Variants in FLACC1 observed in about 807,000 individuals in gnomAD.
FLACC1 encodes the protein flagellum associated containing coiled-coil domains 1.
FLACC1 carries 66 observed loss-of-function variants against 62.8 expected under a neutral mutation model. The observed-to-expected ratio is 1.05, with a 90% CI of 0.86 to 1.29. FLACC1 has a LOEUF of 1.29. FLACC1 is among the 50% of genes most tolerant of loss of function. The pLI, the probability that FLACC1 is intolerant of heterozygous loss-of-function variation, is 0.00. For missense variants in FLACC1, 452 were observed against 489.1 expected, an observed-to-expected ratio of 0.92 and a Z score of 0.71; for synonymous variants, 156 against 161.0, an observed-to-expected ratio of 0.97 and a Z score of 0.24.
chr2:201,354,731 A>C (rs1302950154), intron 1 of FLACC1, among the ~76,000 whole-genome samples: 1 of 152,208 alleles, frequency 6.6e-6, no homozygotes, highest in Non-Finnish European at 1.5e-5. Flanking sequence ...TCCTGTACGA[A>C]AGGAGCCAAC....
intron 7 of FLACC1, among the ~76,000 whole-genome samples, chr2:201,332,894 C>A (rs1036795052): frequency 1.3e-5 from 2 of 152,160 alleles, no homozygotes; most frequent in African/African-American, 2.4e-5. Flanking sequence ...GAATTTCCTT[C>A]TTTTTAAAGG....
At chr2:201,341,270 G>C (rs931787829) in intron 7 of FLACC1, among the ~76,000 whole-genome samples, 1 of 151,904 alleles carries the variant, frequency 6.6e-6, no homozygotes, top group Non-Finnish European at 1.5e-5. Flanking sequence ...GGCTGCTCTG[G>C]TGTGCAGCAA....
At chr2:201,316,308 A>C (rs1950306718) in intron 9 of FLACC1, among the ~76,000 whole-genome samples, 1 of 152,192 alleles carries the variant, frequency 6.6e-6, no homozygotes, top group Non-Finnish European at 1.5e-5. Context: ...AAATTGATAG[A>C]TCATTAGCAA....
chr2:201,307,632 T>A lies in FLACC1; in HGVS notation c.776-10A>T. 6.3e-7 allele frequency: 1 copy of A among 1,582,568 alleles called. No homozygotes were observed. The highest frequency in any genetic ancestry group is 8.7e-7 in the Non-Finnish European group (1 of 1,151,384). On this transcript the variant is annotated splice_polypyrimidine_tract_variant and intron_variant, in intron 10 of 14. Coordinates refer to ENST00000392257, the MANE Select transcript of FLACC1 (RefSeq NM_001127391.3). The stretch of plus-strand genomic sequence containing the variant: ...TTGGTCATCTTTTTTTCTGTGGAAG[T>A]GACAGGAAAGCACATATATGTGTAA...
upstream of FLACC1, among the ~76,000 whole-genome samples, chr2:201,359,698 T>C (rs1334296171): frequency 2.0e-5 from 3 of 152,180 alleles, no homozygotes; most frequent in Non-Finnish European, 2.9e-5. Context: ...CTCTCTGTTA[T>C]GCCAGCCTCG....
At chr2:201,307,762 G>A in intron 10 of FLACC1, 140 bp from the exon 11 acceptor site, 2 of 680,910 alleles carry the variant, frequency 2.9e-6, no homozygotes, top group Non-Finnish European at 5.2e-6. Flanking sequence ...TTTGGCCTCT[G>A]ACACTCACCT....
chr2:201,296,341 G>T (rs1185858095), intron 12 of FLACC1, among the ~76,000 whole-genome samples: 3 of 152,088 alleles, frequency 2.0e-5, no homozygotes, highest in Non-Finnish European at 4.4e-5. Flanking sequence ...CATAAAAAAT[G>T]ATGAGCTCAT....
chr2:201,316,223 A>G (rs2125574414), intron 9 of FLACC1, among the ~76,000 whole-genome samples: 1 of 152,322 alleles, frequency 6.6e-6, no homozygotes, highest in South Asian at 2.1e-4. Flanking sequence ...GAACTGAATG[A>G]AATCAAACAA....
At chr2:201,299,168 C>T in intron 12 of FLACC1, 70 bp downstream of exon 12, 1 of 1,402,228 alleles carries the variant, frequency 7.1e-7, no homozygotes, top group East Asian at 2.3e-5. Flanking sequence ...TTCCATTATA[C>T]TGACAGCTTG....
chr2:201,303,775 A>C (rs1950041417), intron 11 of FLACC1, among the ~76,000 whole-genome samples: 1 of 152,222 alleles, frequency 6.6e-6, no homozygotes, highest in African/African-American at 2.4e-5. Context: ...CTGGTTCAAC[A>C]TACGCAAATC....
At chr2:201,320,035 C>A (rs1251256003) in intron 9 of FLACC1, among the ~76,000 whole-genome samples, 2 of 152,202 alleles carry the variant, frequency 1.3e-5, no homozygotes, top group African/African-American at 4.8e-5. Flanking sequence ...TGGGAGAAAG[C>A]CCTAACCCTA....
intron 9 of FLACC1, among the ~76,000 whole-genome samples, chr2:201,328,183 A>T (rs930949440): frequency 3.9e-5 from 6 of 152,110 alleles, no homozygotes; most frequent in Non-Finnish European, 8.8e-5. Context: ...GTGATAAAAA[A>T]AAAACAAAAC....
chr2:201,322,599 C>G (rs759294704), intron 9 of FLACC1, among the ~76,000 whole-genome samples: 2 of 152,046 alleles, frequency 1.3e-5, no homozygotes, highest in Non-Finnish European at 2.9e-5. Context: ...TCAAATCAAA[C>G]ATCAATTCAA....
At chr2:201,355,977 G>T (rs1383842613) in intron 1 of FLACC1, among the ~76,000 whole-genome samples, 1 of 152,070 alleles carries the variant, frequency 6.6e-6, no homozygotes, top group African/African-American at 2.4e-5. Flanking sequence ...ATCAACCAGG[G>T]TTGGAACAGG....
chr2:201,293,415 A>C (rs1949783197), intron 12 of FLACC1, among the ~76,000 whole-genome samples: 1 of 152,230 alleles, frequency 6.6e-6, no homozygotes, highest in Admixed American at 6.5e-5. Flanking sequence ...CCTGCTCCTG[A>C]ATGACTACTG....
chr2:201,342,445 C>T lies in FLACC1; in HGVS notation c.463-14G>A. 7 of 1,614,076 alleles carry T rather than the reference C, an allele frequency of 4.3e-6. No individual in the cohort carries two copies. The highest frequency in any genetic ancestry group is 5.9e-6 in the Non-Finnish European group (7 of 1,179,930). The stretch of plus-strand genomic sequence containing the variant: ...TTCACTGGAGAGCTGGAAACAAAAT[C>T]AGCATCTACAACACAGGACTGAGGA... On this transcript the variant is annotated splice_polypyrimidine_tract_variant and intron_variant, in intron 6 of 14. Coordinates refer to ENST00000392257, the MANE Select transcript of FLACC1 (RefSeq NM_001127391.3).
chr2:201,347,405 T>C (rs1576475363), intron 4 of FLACC1, among the ~76,000 whole-genome samples: 1 of 152,210 alleles, frequency 6.6e-6, no homozygotes, highest in African/African-American at 2.4e-5. Context: ...CTCTGGCCTC[T>C]CTGCCTTCAG....
intron 9 of FLACC1, among the ~76,000 whole-genome samples, chr2:201,312,127 A>G (rs1276982306): frequency 6.6e-6 from 1 of 152,236 alleles, no homozygotes; most frequent in African/African-American, 2.4e-5. Flanking sequence ...ATAGGAAAAG[A>G]AGAAGTCAAA....
chr2:201,330,942 T>A, intron 7 of FLACC1, 109 bp from the exon 8 acceptor site: 1 of 671,080 alleles, frequency 1.5e-6, no homozygotes, highest in South Asian at 3.0e-5. Flanking sequence ...AGTGAGGTTC[T>A]CACTTTTTTA....
Sources: gnomAD v4.1 joint callset for allele counts (sites outside exome capture counted in the v4.1 genomes callset) on GRCh38, gnomAD v4.1.1 for gene constraint, MANE v1.5 for transcripts, NCBI Gene and HGNC (gene_info 2026-07-23, HGNC 2026-07-21) for gene names.